Variants in CDK14 observed in about 807,000 individuals in gnomAD.
The protein encoded by CDK14 is cyclin-dependent kinase 14.
A neutral mutation model predicts 60.7 loss-of-function variants in CDK14; 34 were observed. The ratio of observed to expected loss-of-function variants is 0.56; its 90% CI spans 0.43 to 0.75. The LOEUF is 0.75. Ranked by LOEUF, CDK14 falls within the 30% of genes least tolerant of loss-of-function variation. The pLI, the probability that CDK14 is intolerant of heterozygous loss-of-function variation, is 0.00. For synonymous variants in CDK14, 197 were observed against 203.7 expected, an observed-to-expected ratio of 0.97 and a Z score of 0.28; for missense variants, 482 against 564.1, an observed-to-expected ratio of 0.85 and a Z score of 1.47.
chr7:90,756,585 G>A (rs1248712913), intron 4 of CDK14, among the ~76,000 whole-genome samples: 1 of 152,206 alleles, frequency 6.6e-6, no homozygotes, highest in Non-Finnish European at 1.5e-5. Context: ...CCTGCTTTAA[G>A]AGATGACAGG....
intron 9 of CDK14, among the ~76,000 whole-genome samples, chr7:90,980,581 A>G (rs1183511702): frequency 2.0e-5 from 3 of 152,174 alleles, no homozygotes; most frequent in Non-Finnish European, 4.4e-5. Flanking sequence ...CAGTCCAGTA[A>G]TAAGGAATTC....
intron 4 of CDK14, among the ~76,000 whole-genome samples, chr7:90,758,021 AAC>A (rs1804155468): frequency 6.6e-6 from 1 of 152,176 alleles, no homozygotes; most frequent in African/African-American, 2.4e-5. Context: ...TCCATGTAGG[AAC>A]ACATACACTG....
intron 12 of CDK14, 108 bp downstream of exon 12, chr7:91,079,588 A>G: frequency 1.2e-6 from 1 of 811,706 alleles, no homozygotes; most frequent in Non-Finnish European, 2.1e-6. Flanking sequence ...CTGTGTATTT[A>G]TTCATTCATT....
intron 2 of CDK14, among the ~76,000 whole-genome samples, chr7:90,640,317 T>G (rs1026111020): frequency 2.0e-5 from 3 of 152,108 alleles, no homozygotes; most frequent in African/African-American, 7.2e-5. Context: ...CGCTTTTTGT[T>G]TAATATTAAT....
At position 91,132,140 on chromosome 7, in the gene CDK14, G is replaced by A. The variant is rs1180974475; in HGVS notation, c.*28+13932G>A. 3.9e-5 allele frequency among the ~76,000 whole-genome samples: 6 copies of A among 152,078 alleles called. No homozygotes were observed. The East Asian group carries it at 1.2e-3, about 29-fold the overall frequency. Reference sequence around the variant, plus strand: ...GTCTTTTAAATTTCAGGATGATGACGGGTACAGCAGAACTTTGCATGAAGC... The same window carrying A: ...GTCTTTTAAATTTCAGGATGATGACAGGTACAGCAGAACTTTGCATGAAGC... On this transcript the variant is annotated intron_variant, in intron 14 of 14. Coordinates refer to ENST00000380050, the MANE Select transcript of CDK14 (RefSeq NM_001287135.2).
At chr7:90,795,029 G>A (rs1379157974) in intron 5 of CDK14, among the ~76,000 whole-genome samples, 1 of 152,124 alleles carries the variant, frequency 6.6e-6, no homozygotes, top group Non-Finnish European at 1.5e-5. Flanking sequence ...TGTCCCACAA[G>A]CTTTTTTTTA....
chr7:91,015,521 G>GTTTTTTTTTTTTTTTTTTT (rs10710645), intron 10 of CDK14, among the ~76,000 whole-genome samples: 1 of 77,664 alleles, frequency 1.3e-5, no homozygotes, highest in Non-Finnish European at 2.3e-5. Context: ...TATGTCTTGG[G>GTTTTTTTTTTTTTTTTTTT]TTTTTTTTTT....
intron 14 of CDK14, among the ~76,000 whole-genome samples, chr7:91,194,443 A>G (rs1802469805): frequency 6.6e-6 from 1 of 152,116 alleles, no homozygotes; most frequent in African/African-American, 2.4e-5. Context: ...TTTTTTTTCA[A>G]TTTGTATACT....
intron 10 of CDK14, among the ~76,000 whole-genome samples, chr7:91,004,262 G>A (rs965154560): frequency 8.5e-5 from 13 of 152,166 alleles, no homozygotes; most frequent in African/African-American, 2.9e-4. Context: ...TAAACATCTA[G>A]CCTGACTTAC....
At chr7:91,021,261 A>T (rs753345345) in intron 10 of CDK14, among the ~76,000 whole-genome samples, 18 of 152,202 alleles carry the variant, frequency 1.2e-4, no homozygotes, top group Non-Finnish European at 2.5e-4. Context: ...ATGGATGCTC[A>T]TCTTAGAGTT....
At chr7:91,166,554 A>G (rs928321577) in intron 14 of CDK14, among the ~76,000 whole-genome samples, 4 of 152,228 alleles carry the variant, frequency 2.6e-5, no homozygotes, top group African/African-American at 9.6e-5. Flanking sequence ...GTATTTTATA[A>G]GATTTTTAAA....
chr7:90,789,775 G>C (rs1388322684), intron 4 of CDK14, among the ~76,000 whole-genome samples: 1 of 152,056 alleles, frequency 6.6e-6, no homozygotes, highest in Non-Finnish European at 1.5e-5. Flanking sequence ...ACCAAATAAA[G>C]TATGGTTCTA....
At chr7:91,071,024 C>T (rs1016969940) in intron 11 of CDK14, among the ~76,000 whole-genome samples, 20 of 151,850 alleles carry the variant, frequency 1.3e-4, no homozygotes, top group African/African-American at 3.9e-4. Flanking sequence ...TGATTTTTAC[C>T]GAATCCTGGC....
At chr7:91,032,129 T>TC (rs999189680) in intron 10 of CDK14, among the ~76,000 whole-genome samples, 39 of 152,276 alleles carry the variant, frequency 2.6e-4, no homozygotes, top group African/African-American at 8.9e-4. Context: ...CTAGGCAGGG[T>TC]CCCCTCTTAG....
intron 9 of CDK14, among the ~76,000 whole-genome samples, chr7:90,967,275 A>T (rs1401864686): frequency 2.0e-5 from 3 of 152,118 alleles, no homozygotes; most frequent in Admixed American, 6.5e-5. Flanking sequence ...TTGTATAAGG[A>T]TCTTTATAGG....
intron 2 of CDK14, among the ~76,000 whole-genome samples, chr7:90,685,636 G>T (rs1801415258): frequency 1.4e-5 from 2 of 142,388 alleles, no homozygotes; most frequent in Admixed American, 7.5e-5. Context: ...ATGCCATCTT[G>T]CCCAGCCAAT....
At chr7:90,851,076 AC>A (rs1239129579) in intron 5 of CDK14, among the ~76,000 whole-genome samples, 1 of 152,236 alleles carries the variant, frequency 6.6e-6, no homozygotes, top group Non-Finnish European at 1.5e-5. Context: ...GAAAACTAAG[AC>A]AAAAGGAAAA....
chr7:91,198,369 A>G lies in CDK14; in HGVS notation c.*29-8796A>G, dbSNP rs976918085. ...AATGCTAGCAGAGTTTACAGGTGAA[A>G]TAAACTTGATGTAAGGGTTGAGGCT... On this transcript the variant is annotated intron_variant, in intron 14 of 14. Coordinates refer to ENST00000380050, the MANE Select transcript of CDK14 (RefSeq NM_001287135.2). Among the ~76,000 whole-genome samples the G allele has an allele frequency of 2.0e-5, 3 of 152,212 alleles. No homozygotes were observed. In the East Asian group the frequency reaches 5.8e-4, roughly 29 times the overall value.
At chr7:90,886,710 T>G (rs1010563629) in intron 6 of CDK14, among the ~76,000 whole-genome samples, 4 of 152,184 alleles carry the variant, frequency 2.6e-5, no homozygotes, top group African/African-American at 7.2e-5. Flanking sequence ...CTTTGCTGCT[T>G]GAAGTTTCAG....
Sources: allele counts gnomAD v4.1 joint callset (sites outside exome capture counted in the v4.1 genomes callset), GRCh38; gene constraint gnomAD v4.1.1; transcripts MANE v1.5; gene names NCBI Gene and HGNC (gene_info 2026-07-23, HGNC 2026-07-21).